The following KAT2A variants were observed in gnomAD, a reference collection of about 807,000 sequenced individuals.
KAT2A encodes the protein lysine acetyltransferase 2A, also known as histone acetyltransferase KAT2A.
KAT2A carries 42 observed loss-of-function variants against 95.2 expected under a neutral mutation model. That is an observed-to-expected ratio of 0.44 (90% CI 0.34 to 0.57). KAT2A has a LOEUF of 0.57. KAT2A is among the 20% of genes least tolerant of loss of function. The probability of loss-of-function intolerance (pLI) is 0.01; values close to 1 mark genes in which losing one functional copy is unlikely to be tolerated. For synonymous variants in KAT2A, 449 were observed against 448.2 expected, an observed-to-expected ratio of 1.00 and a Z score of -0.02; for missense variants, 784 against 1,126.3, an observed-to-expected ratio of 0.70 and a Z score of 4.35.
At chr17:42,120,938 G>GC in intron 1 of KAT2A, 28 bp downstream of exon 1, 6 of 1,250,354 alleles carry the variant, frequency 4.8e-6, no homozygotes, top group South Asian at 1.4e-5. Flanking sequence ...CCCAAGCCCC[G>GC]CCCCTTCACC....
rs1555666879 is a variant in KAT2A, at chr17:42,119,660, G to A, written c.758C>T (p.Thr253Met). 2.5e-6 allele frequency: 4 copies of A among 1,613,876 alleles called. No individual in the cohort carries two copies. Among genetic ancestry groups the A allele is most frequent in the Non-Finnish European group, 2.5e-6 (3 of 1,179,834 alleles). The change falls in exon 5 of 18, where the codon ACG (threonine) becomes ATG (methionine). Residue 253 changes from threonine to methionine, a missense_variant. This residue lies in a region of KAT2A where 208 missense variants were observed against 339.7 expected (regional missense o/e 0.61). Coordinates refer to ENST00000225916, the MANE Select transcript of KAT2A (RefSeq NM_021078.3). This position sits in a 1 kb window ranked among gnomAD's most constrained non-coding sequence, Gnocchi z 5.3. Reference protein sequence around the residue: ...FSHLAPRERQTMFELSKMFLL... With the variant: ...FSHLAPRERQMMFELSKMFLL... ...GAACATCTTTGAGAGCTCGAACATC[G>A]TCTGCCGCTCCCGGGGAGCCAGGTG...
chr17:42,119,911 C>A lies in KAT2A; in HGVS notation c.699+119G>T. 1 of 1,090,228 alleles carries A rather than the reference C, an allele frequency of 9.2e-7. No homozygotes were observed. 67.5% of individuals were successfully genotyped at this position (1,090,228 alleles called of 1,614,324 possible). On this transcript the variant is annotated intron_variant, in intron 4 of 17. Transcript: ENST00000225916. The surrounding 1 kb of genome is among the most constrained non-coding windows in gnomAD (Gnocchi z 5.3). ...CACCCTGAGGTTAGCACAAAACACC[C>A]TTCCTTCTCTGAACCTCCCCAGTGT...
intron 6 of KAT2A, chr17:42,118,944 T>C (rs1435088225): frequency 2.4e-4 from 235 of 969,622 alleles, no homozygotes; most frequent in Non-Finnish European, 3.1e-4. Context: ...TCTTGGAGAG[T>C]TGTGCAGGGA....
chr17:42,119,822 CCTT>C lies in KAT2A; in HGVS notation c.700-107_700-105del, dbSNP rs1334366849. 3.0e-5 allele frequency: 33 copies of C among 1,085,900 alleles called. No individual in the cohort carries two copies. The African/African-American group carries it at 4.8e-4, about 16-fold the overall frequency. 67.3% of individuals were successfully genotyped at this position (1,085,900 alleles called of 1,614,324 possible). The stretch of plus-strand genomic sequence containing the variant: ...GCTCCCTGGCCAGGGACAAGGTTCT[CCTT>C]CTCCTCTCTCTCTCGGGTGCTCTCT... On this transcript the variant is annotated intron_variant, in intron 4 of 17. Coordinates refer to ENST00000225916, the MANE Select transcript of KAT2A (RefSeq NM_021078.3). This position sits in a 1 kb window ranked among gnomAD's most constrained non-coding sequence, Gnocchi z 5.3.
chr17:42,120,348 C>A lies in KAT2A; in HGVS notation c.486G>T (p.Glu162Asp). ...HPLADHVSHL[E>D]NVSEDEINRL... ...GGTTTATCTCATCCTCTGACACATT[C>A]TCCAAGTGGGATACGTGGTCAGCTG... The change falls in exon 3 of 18, where the codon GAG (glutamate) becomes GAT (aspartate). Residue 162 changes from glutamate (E) to aspartate (D), a missense_variant. Physicochemically the swap from Glu to Asp is conservative, Grantham distance 45. Around this residue, in one of 6 missense-constraint regions of KAT2A, gnomAD observed 208 missense variants for 339.7 expected, o/e 0.61. Transcript: ENST00000225916. 1 of 1,614,254 alleles carries A rather than the reference C, an allele frequency of 6.2e-7. No individual in the cohort carries two copies. The highest frequency in any genetic ancestry group is 2.2e-5 in the East Asian group (1 of 44,888).
Position 42,117,328 on chromosome 17 carries a change from G to A in KAT2A, c.1637+60C>T. 1.3e-6 allele frequency: 2 copies of A among 1,583,058 alleles called. No individual in the cohort carries two copies. Among genetic ancestry groups the A allele is most frequent in the South Asian group, 2.2e-5 (2 of 90,246 alleles). ...ATCCCCAATTTTGAGGAGTGAAGAG[G>A]CCGAGGAGGAAGGGAACTGGGTGTG... On this transcript the variant is annotated intron_variant, in intron 10 of 17. Coordinates refer to ENST00000225916, the MANE Select transcript of KAT2A (RefSeq NM_021078.3). This position sits in a 1 kb window ranked among gnomAD's most constrained non-coding sequence, Gnocchi z 8.9.
chr17:42,115,242 C>T (rs965223646), intron 12 of KAT2A, among the ~76,000 whole-genome samples: 2 of 150,754 alleles, frequency 1.3e-5, no homozygotes, highest in Non-Finnish European at 3.0e-5. Context: ...AAGAGTCCCC[C>T]AGTTCCTCCA....
chr17:42,119,804 G>T lies in KAT2A; in HGVS notation c.700-86C>A. 1 of 1,226,660 alleles carries T rather than the reference G, an allele frequency of 8.2e-7. No homozygotes were observed. Among genetic ancestry groups the T allele is most frequent in the Non-Finnish European group, 1.1e-6 (1 of 879,800 alleles). The allele number at this position is 1,226,660 out of a possible 1,614,324, so 76.0% of individuals were successfully genotyped here. A position where few individuals can be genotyped will look rare whatever the true frequency, so the allele number is the denominator to read the frequency against. On this transcript the variant is annotated intron_variant, in intron 4 of 17. Coordinates refer to ENST00000225916, the MANE Select transcript of KAT2A (RefSeq NM_021078.3). This position sits in a 1 kb window ranked among gnomAD's most constrained non-coding sequence, Gnocchi z 5.3. ...TCTTAGACAAAGGAAGATGCTCCCT[G>T]GCCAGGGACAAGGTTCTCCTTCTCC...
Position 42,120,273 on chromosome 17 carries a change from G to A in KAT2A, c.561C>T (p.His187=). 1 of 1,614,160 alleles carries A rather than the reference G, an allele frequency of 6.2e-7. No individual in the cohort carries two copies. Among genetic ancestry groups the A allele is most frequent in the Non-Finnish European group, 8.5e-7 (1 of 1,179,992 alleles). The change falls in exon 3 of 18, where the codon CAC becomes CAT. Residue 187 remains histidine, a synonymous_variant. Coordinates refer to ENST00000225916, the MANE Select transcript of KAT2A (RefSeq NM_021078.3). ...VDVENLFMSV[H]KEEDTDTKQV... is the part of the protein sequence containing the mutation. ...GCTTGGTGTCTGTGTCCTCTTCCTT[G>A]TGAACAGACATGAAGAGATTCTCCA...
chr17:42,116,930 A>G, intron 11 of KAT2A, 105 bp downstream of exon 11: 1 of 1,396,578 alleles, frequency 7.2e-7, no homozygotes, highest in South Asian at 1.2e-5. Context: ...GCTAACTAAG[A>G]GAAGAGCAAC....
At position 42,120,353 on chromosome 17, in the gene KAT2A, A is replaced by G. The variant is rs782658708; in HGVS notation, c.481T>C (p.Leu161=). Reference sequence around the variant, plus strand: ...ATCTCATCCTCTGACACATTCTCCAAGTGGGATACGTGGTCAGCTGCAAGA... The same window carrying G: ...ATCTCATCCTCTGACACATTCTCCAGGTGGGATACGTGGTCAGCTGCAAGA... ...EHPLADHVSH[L]ENVSEDEINR... Residue 161 remains leucine (L), a synonymous_variant, in exon 3 of 18, where the codon TTG becomes CTG. Transcript: ENST00000225916. 5.0e-6 allele frequency: 8 copies of G among 1,614,228 alleles called. No homozygotes were observed. The East Asian group carries it at 1.1e-4, about 22-fold the overall frequency.
Position 42,113,643 on chromosome 17 carries a change from A to T in KAT2A, c.*6T>A. On this transcript the variant is annotated 3_prime_UTR_variant, in exon 18 of 18. Coordinates refer to ENST00000225916, the MANE Select transcript of KAT2A (RefSeq NM_021078.3). ...TCCAGGTCAGGGCTGCGGCCCAAAGATGGGCCTACTTGTCAATGAGGCCTC... is the reference window on the plus strand; with the variant it reads ...TCCAGGTCAGGGCTGCGGCCCAAAGTTGGGCCTACTTGTCAATGAGGCCTC... 6.2e-7 allele frequency: 1 copy of T among 1,603,462 alleles called. No individual in the cohort carries two copies. Among genetic ancestry groups the T allele is most frequent in the Middle Eastern group, 1.7e-4 (1 of 6,012 alleles).
chr17:42,121,122 C>A lies in KAT2A; in HGVS notation c.183G>T (p.Gly61=). ...CCCCCCCACTTCCTACCCCGGGCCC[C>A]CCAGTCCCTGTGCTGCCGGCTGGGG... ...AAAPAGSTGT[G]GPGVGSGGAG... is the part of the protein sequence containing the mutation. Residue 61 remains glycine, a synonymous_variant, in exon 1 of 18, where the codon GGG becomes GGT. Transcript: ENST00000225916. The A allele has an allele frequency of 6.6e-7, 1 of 1,513,872 alleles. No homozygotes were observed. Among genetic ancestry groups the A allele is most frequent in the South Asian group, 1.2e-5 (1 of 81,836 alleles). The allele number at this position is 1,513,872 out of a possible 1,614,324, so 93.8% of individuals were successfully genotyped here.
At position 42,117,178 on chromosome 17, in the gene KAT2A, C is replaced by T. The variant is rs1555666132; in HGVS notation, c.1638-17G>A. ...TTGTGCTTCCTAAGAGAGAGGGGGGCATGTCATAGCCCCTGACTGTCCCCT... is the reference window on the plus strand; with the variant it reads ...TTGTGCTTCCTAAGAGAGAGGGGGGTATGTCATAGCCCCTGACTGTCCCCT... On this transcript the variant is annotated splice_polypyrimidine_tract_variant and intron_variant, in intron 10 of 17. Coordinates refer to ENST00000225916, the MANE Select transcript of KAT2A (RefSeq NM_021078.3). This position sits in a 1 kb window ranked among gnomAD's most constrained non-coding sequence, Gnocchi z 8.9. 1 of 1,613,522 alleles carries T rather than the reference C, an allele frequency of 6.2e-7. No individual in the cohort carries two copies. Among genetic ancestry groups the T allele is most frequent in the South Asian group, 1.1e-5 (1 of 91,056 alleles).
intron 2 of KAT2A, 38 bp from the exon 3 acceptor site, chr17:42,120,408 A>G (rs1555667062): frequency 6.2e-7 from 1 of 1,609,390 alleles, no homozygotes; most frequent in Non-Finnish European, 8.5e-7. Context: ...AAATTGATAG[A>G]AGAAATCAAC....
chr17:42,120,354 G>A lies in KAT2A; in HGVS notation c.480C>T (p.His160=). 1.2e-6 allele frequency: 2 copies of A among 1,614,210 alleles called. No individual in the cohort carries two copies. The highest frequency in any genetic ancestry group is 1.7e-6 in the Non-Finnish European group (2 of 1,180,006). ...CEHPLADHVS[H]LENVSEDEIN... is the part of the protein sequence containing the mutation. ...TCTCATCCTCTGACACATTCTCCAA[G>A]TGGGATACGTGGTCAGCTGCAAGAC... Residue 160 remains histidine, a synonymous_variant, in exon 3 of 18, where the codon CAC becomes CAT. Transcript: ENST00000225916.
At position 42,117,903 on chromosome 17, in the gene KAT2A, C is replaced by T. The variant is rs1555666383; in HGVS notation, c.1291+4G>A. On this transcript the variant is annotated splice_donor_region_variant and intron_variant, in intron 8 of 17. Coordinates refer to ENST00000225916, the MANE Select transcript of KAT2A (RefSeq NM_021078.3). This position sits in a 1 kb window ranked among gnomAD's most constrained non-coding sequence, Gnocchi z 8.9. ...GGGTCAGAGGTCAGGGGTCAAGTAT[C>T]CACCTGGCATAGGCTCGGCCCCTGC... 2 of 1,598,088 alleles carry T rather than the reference C, an allele frequency of 1.3e-6. No homozygotes were observed. The highest frequency in any genetic ancestry group is 2.2e-5 in the East Asian group (1 of 44,542).
rs1220553754 is a variant in KAT2A at position 42,119,806 on chromosome 17, C to A, written c.700-88G>T. The A allele has an allele frequency of 8.2e-6, 10 of 1,218,558 alleles. No homozygotes were observed. Among genetic ancestry groups the A allele is most frequent in the Non-Finnish European group, 1.1e-5 (10 of 873,114 alleles). 75.5% of individuals were successfully genotyped at this position (1,218,558 alleles called of 1,614,324 possible). ...TTAGACAAAGGAAGATGCTCCCTGG[C>A]CAGGGACAAGGTTCTCCTTCTCCTC... On this transcript the variant is annotated intron_variant, in intron 4 of 17. Coordinates refer to ENST00000225916, the MANE Select transcript of KAT2A (RefSeq NM_021078.3). This position sits in a 1 kb window ranked among gnomAD's most constrained non-coding sequence, Gnocchi z 5.3.
In KAT2A at chr17:42,119,899, G is replaced by T; in HGVS notation, c.699+131C>A. 9.8e-7 allele frequency: 1 copy of T among 1,022,564 alleles called. No individual in the cohort carries two copies. The highest frequency in any genetic ancestry group is 1.5e-6 in the Non-Finnish European group (1 of 672,942). 63.3% of individuals were successfully genotyped at this position (1,022,564 alleles called of 1,614,324 possible). ...TACCACCATGCCCACCCTGAGGTTA[G>T]CACAAAACACCCTTCCTTCTCTGAA... On this transcript the variant is annotated intron_variant, in intron 4 of 17. Coordinates refer to ENST00000225916, the MANE Select transcript of KAT2A (RefSeq NM_021078.3). The surrounding 1 kb of genome is among the most constrained non-coding windows in gnomAD (Gnocchi z 5.3).
Sources: allele counts gnomAD v4.1 joint callset (sites outside exome capture counted in the v4.1 genomes callset), GRCh38; gene constraint gnomAD v4.1.1; regional missense constraint gnomAD v4.1.1; non-coding constraint Gnocchi (gnomAD v3.1); transcripts MANE v1.5; gene names NCBI Gene and HGNC (gene_info 2026-07-23, HGNC 2026-07-21).